The following UTRN variants were observed in gnomAD, a reference collection of about 807,000 sequenced individuals.
UTRN encodes dystrophin-related protein 1.
A neutral mutation model predicts 463.9 loss-of-function variants in UTRN; 283 were observed. The observed-to-expected ratio is 0.61, with a 90% CI of 0.55 to 0.67. The LOEUF (loss-of-function observed/expected upper bound fraction) is 0.67, where lower values mean the gene tolerates loss of function less well. Ranked by LOEUF, UTRN falls within the 30% of genes least tolerant of loss-of-function variation. The pLI is 0.00. For synonymous variants in UTRN, 1,442 were observed against 1,431.5 expected (o/e 1.01, Z -0.17); for missense variants, 3,922 against 4,084.3 (o/e 0.96, Z 1.08).
chr6:144,471,033 CGAGGGAGGGGGA>C (rs1281988987), intron 23 of UTRN, among the ~76,000 whole-genome samples: 33 of 70,000 alleles, frequency 4.7e-4, no homozygotes, highest in East Asian at 1.4e-3. Context: ...GAGAGGGAGA[CGAGGGAGGGGGA>C]GAGGGAGGGG....
chr6:144,847,393 TTTTG>T (rs1470442258), intron 74 of UTRN, among the ~76,000 whole-genome samples: 1 of 139,028 alleles, frequency 7.2e-6, no homozygotes, highest in Non-Finnish European at 1.6e-5. Context: ...GCCTGTTTTG[TTTTG>T]TTTTTTTGTT....
intron 51 of UTRN, among the ~76,000 whole-genome samples, chr6:144,608,917 A>T (rs1325548470): frequency 2.0e-5 from 3 of 152,228 alleles, no homozygotes; most frequent in Non-Finnish European, 4.4e-5. Flanking sequence ...GATTCAAAAC[A>T]TACAACCACA....
At position 144,693,274 on chromosome 6, in the gene UTRN, G is replaced by A. The variant is rs9497047; in HGVS notation, c.7653-6813G>A. ...ATGTGTCTATTTTTATACCAGTACC[G>A]TGCTGTTTTGGTTACTATAGACCTG... On this transcript the variant is annotated intron_variant, in intron 52 of 74. Transcript: ENST00000367545. Among the ~76,000 whole-genome samples the A allele has an allele frequency of 9.4e-3, 1,432 of 152,076 alleles. 17 individuals carry two copies. The highest frequency in any genetic ancestry group is 0.033 in the African/African-American group (1,352 of 41,488).
intron 41 of UTRN, among the ~76,000 whole-genome samples, chr6:144,529,801 A>G (rs1285815012): frequency 3.9e-5 from 6 of 151,934 alleles, no homozygotes; most frequent in Admixed American, 3.9e-4. Context: ...AAAAATATAT[A>G]TTTTATTAAT....
rs1789131149 is a variant in UTRN at position 144,458,882 on chromosome 6, T to C, written c.2397T>C (p.Asp799=). The C allele has an allele frequency of 1.2e-6, 2 of 1,613,998 alleles. No individual in the cohort carries two copies. Among genetic ancestry groups the C allele is most frequent in the South Asian group, 1.1e-5 (1 of 91,030 alleles). The stretch of plus-strand genomic sequence containing the variant: ...AAAGAAAGATTCAGCTACAGGAAGA[T>C]ATAAATGCTTATTTCAAGCAGCTTG... ...DLERKIQLQE[D]INAYFKQLDE... Residue 799 remains aspartate, a synonymous_variant, in exon 20 of 75, where the codon GAT becomes GAC. Transcript: ENST00000367545.
Position 144,488,708 on chromosome 6 carries a change from C to G in UTRN, c.4008C>G (p.Leu1336=). The G allele has an allele frequency of 6.2e-7, 1 of 1,613,130 alleles. No homozygotes were observed. Among genetic ancestry groups the G allele is most frequent in the Non-Finnish European group, 8.5e-7 (1 of 1,179,444 alleles). The part of the protein sequence containing the change: ...ESKQISLEKQ[L]QVLRETDQML... ...AGCAGATTTCTTTGGAAAAGCAACT[C>G]CAGGTGCTGCGGGAAACTGACCAGA... is the stretch of plus-strand genomic sequence containing the variant. The change falls in exon 30 of 75, where the codon CTC becomes CTG. Residue 1336 remains leucine (L), a synonymous_variant. Transcript: ENST00000367545.
rs956456858 is a variant in UTRN, at chr6:144,329,916, T to C, written c.79+38009T>C. Among the ~76,000 whole-genome samples, 7 of 152,178 alleles carry C rather than the reference T, an allele frequency of 4.6e-5. No individual in the cohort carries two copies. The South Asian group carries it at 8.3e-4, about 18-fold the overall frequency. The stretch of plus-strand genomic sequence containing the variant: ...ATGGCAGGCACTGCACTGGGTGTAG[T>C]TGACAAAACTGATGAGCTCTATGAT... On this transcript the variant is annotated intron_variant, in intron 2 of 74. Coordinates refer to ENST00000367545, the MANE Select transcript of UTRN (RefSeq NM_007124.3).
chr6:144,456,974 G>A (rs149672942), intron 19 of UTRN, among the ~76,000 whole-genome samples: 142 of 152,194 alleles, frequency 9.3e-4, no homozygotes, highest in African/African-American at 3.3e-3. Flanking sequence ...GCAGGAATGT[G>A]TTCTATGTTC....
Position 144,490,095 on chromosome 6 carries a change from C to T in UTRN, c.4159C>T (p.His1387Tyr). 1 of 1,613,058 alleles carries T rather than the reference C, an allele frequency of 6.2e-7. No individual in the cohort carries two copies. The change falls in exon 31 of 75, where the codon CAT (histidine) becomes TAT (tyrosine). Residue 1387 changes from histidine to tyrosine, a missense_variant. Physicochemically the swap from His to Tyr is moderately conservative, Grantham distance 83. This residue lies in a region of UTRN where 2,349 missense variants were observed against 2,303.8 expected (regional missense o/e 1.02). Transcript: ENST00000367545. ...GAAAATCCAAGCAGAGATCTCAGCC[C>T]ATGAGCTAACCCTAGAGGAGTTGAG... ...AQKIQAEISAHELTLEELRRN... is the reference protein window; with the variant it reads ...AQKIQAEISAYELTLEELRRN...
At chr6:144,787,688 T>C (rs1009798631) in intron 61 of UTRN, among the ~76,000 whole-genome samples, 1 of 152,120 alleles carries the variant, frequency 6.6e-6, no homozygotes, top group African/African-American at 2.4e-5. Flanking sequence ...AAATCAATGA[T>C]TAAATATAGT....
Position 144,782,066 on chromosome 6 carries a change from TC to T in UTRN, c.8778del (p.Asn2927ThrfsTer30), listed in dbSNP as rs1562902952. 6.2e-7 allele frequency: 1 copy of T among 1,614,036 alleles called. No homozygotes were observed. The highest frequency in any genetic ancestry group is 1.1e-5 in the South Asian group (1 of 91,054). On this transcript the variant is annotated frameshift_variant, in exon 61 of 75. Coordinates refer to ENST00000367545, the MANE Select transcript of UTRN (RefSeq NM_007124.3). LOFTEE classifies it high-confidence loss of function. ...CTTGAGCAAATGCATAAGGACCTGGTCAACGTTCCACTCTGTGTTGATATGT... is the reference window on the plus strand; with the variant it reads ...CTTGAGCAAATGCATAAGGACCTGGTAACGTTCCACTCTGTGTTGATATGT... The part of the protein sequence containing the change: ...DGLEQMHKDL[V>X]NVPLCVDMCL...
intron 56 of UTRN, 133 bp from the exon 57 acceptor site, chr6:144,754,587 C>T: frequency 9.2e-6 from 4 of 436,170 alleles, no homozygotes; most frequent in Admixed American, 4.6e-5. Flanking sequence ...GAGAAGGGGT[C>T]CAAGGGGTCT....
chr6:144,665,358 A>G (rs17801051), intron 51 of UTRN, among the ~76,000 whole-genome samples: 8,238 of 152,234 alleles, frequency 0.054, 244 homozygotes, highest in African/African-American at 0.072. Context: ...TTTTATTTTC[A>G]TGATGTTTTA....
Position 144,828,832 on chromosome 6 carries a change from T to G in UTRN, c.9642T>G (p.Asp3214Glu). The G allele has an allele frequency of 6.2e-7, 1 of 1,613,484 alleles. No individual in the cohort carries two copies. The highest frequency in any genetic ancestry group is 8.5e-7 in the Non-Finnish European group (1 of 1,179,548). Residue 3214 changes from aspartate (D) to glutamate (E), a missense_variant, in exon 69 of 75, where the codon GAT becomes GAG. Asp to Glu is a conservative substitution (Grantham distance 45). Coordinates refer to ENST00000367545, the MANE Select transcript of UTRN (RefSeq NM_007124.3). ...GGACTAATGGGTCTTTTCTCACTGA[T>G]AGCAGCTCCACCACAGGAAGTGTGT... ...MERTNGSFLT[D>E]SSSTTGSVED... is the part of the protein sequence containing the mutation.
intron 23 of UTRN, among the ~76,000 whole-genome samples, chr6:144,465,778 A>G (rs1054893187): frequency 1.3e-5 from 2 of 152,116 alleles, no homozygotes; most frequent in African/African-American, 2.4e-5. Context: ...CCCTTTTTCA[A>G]TGACCTGATA....
rs186902249 is a variant in UTRN at position 144,590,179 on chromosome 6, G to C, written c.7479+12891G>C. On this transcript the variant is annotated intron_variant, in intron 51 of 74. Coordinates refer to ENST00000367545, the MANE Select transcript of UTRN (RefSeq NM_007124.3). ...TACTTGTTTTCCTAGAAGTTTAAAA[G>C]TAAGGAAATATATTCTTTTCAAAAC... 6.6e-5 allele frequency among the ~76,000 whole-genome samples: 10 copies of C among 152,184 alleles called. No homozygotes were observed. In the East Asian group the frequency reaches 1.9e-3, roughly 29 times the overall value.
In UTRN at chr6:144,291,840, T is replaced by C; in HGVS notation, c.12T>C (p.Tyr4=). 1 of 1,613,076 alleles carries C rather than the reference T, an allele frequency of 6.2e-7. No individual in the cohort carries two copies. The highest frequency in any genetic ancestry group is 8.5e-7 in the Non-Finnish European group (1 of 1,179,522). ...GAAACTCTGGCAAGATGGCCAAGTATGGAGAACATGAAGCCAGTCCTGACA... is the reference window on the plus strand; with the variant it reads ...GAAACTCTGGCAAGATGGCCAAGTACGGAGAACATGAAGCCAGTCCTGACA... MAK[Y]GEHEASPDNG... The change falls in exon 2 of 75, where the codon TAT becomes TAC. Residue 4 remains tyrosine, a synonymous_variant. Transcript: ENST00000367545.
At chr6:144,420,867 A>G (rs1488995961) in intron 3 of UTRN, among the ~76,000 whole-genome samples, 1 of 152,224 alleles carries the variant, frequency 6.6e-6, no homozygotes, top group East Asian at 1.9e-4. Context: ...CGGATGTTGT[A>G]GGCTCATTTA....
intron 51 of UTRN, among the ~76,000 whole-genome samples, chr6:144,655,230 A>G (rs753815624): frequency 1.3e-5 from 2 of 152,340 alleles, no homozygotes; most frequent in East Asian, 3.9e-4. Flanking sequence ...TTAGGGCTGT[A>G]TATTACCTTA....
Sources: gnomAD v4.1 joint callset for allele counts (sites outside exome capture counted in the v4.1 genomes callset) on GRCh38, gnomAD v4.1.1 for gene constraint, gnomAD v4.1.1 regional missense constraint, MANE v1.5 for transcripts, NCBI Gene and HGNC (gene_info 2026-07-23, HGNC 2026-07-21) for gene names.